ARL13A: variants seen among roughly 807,000 people sequenced by gnomAD.
ARL13A encodes the protein ADP-ribosylation factor-like protein 13A.
ARL13A carries 16 observed loss-of-function variants against 19.1 expected under a neutral mutation model. The observed-to-expected ratio is 0.84, with a 90% CI of 0.57 to 1.27. The LOEUF is 1.27. Ranked by LOEUF, ARL13A falls within the 50% of genes most tolerant of loss-of-function variation. The pLI is 0.00. For synonymous variants in ARL13A, 69 were observed against 71.3 expected (o/e 0.97, Z 0.17); for missense variants, 153 against 186.4 (o/e 0.82, Z 1.04).
chrX:100,983,865 AG>A (rs1269502738), intron 3 of ARL13A, among the ~76,000 whole-genome samples: 1 of 111,525 alleles, frequency 9.0e-6, no homozygotes, highest in Non-Finnish European at 1.9e-5. Flanking sequence ...AAGACCCAAA[AG>A]TATATTACTA....
chrX:100,982,091 G>A (rs903325178), intron 3 of ARL13A, among the ~76,000 whole-genome samples: 1 of 110,868 alleles, frequency 9.0e-6, no homozygotes, highest in African/African-American at 3.3e-5. Context: ...TTAGACTAGC[G>A]CCTTTCAAAC....
intron 3 of ARL13A, among the ~76,000 whole-genome samples, chrX:100,981,204 C>G (rs1263951378): frequency 8.9e-6 from 1 of 111,905 alleles, no homozygotes; most frequent in Non-Finnish European, 1.9e-5. Flanking sequence ...CCCCAGAGCA[C>G]TTCAGGCCAT....
chrX:100,982,149 A>G (rs536762175), intron 3 of ARL13A, among the ~76,000 whole-genome samples: 2 of 110,789 alleles, frequency 1.8e-5, no homozygotes, highest in African/African-American at 6.6e-5. Flanking sequence ...AAAAATCATG[A>G]TGCTTCAGCC....
intron 7 of ARL13A, among the ~76,000 whole-genome samples, chrX:100,988,851 CATATATATATATATATAT>C (rs55947893): frequency 1.3e-5 from 1 of 79,688 alleles, no homozygotes; most frequent in Non-Finnish European, 2.3e-5. Context: ...TAATATATCT[CATATATATATATATATAT>C]ATATATATAT....
At position 100,990,760 on chromosome X, in the gene ARL13A, A is replaced by T. The variant is rs1324180658; in HGVS notation, c.*172A>T. On this transcript the variant is annotated 3_prime_UTR_variant, in exon 8 of 8. Transcript: ENST00000450049. ...AGAAATACAGGGTTCATTTAGAAAT[A>T]AGTATTTTTTTCTTTAAGGTTCTTA... 1 of 456,560 alleles carries T rather than the reference A, an allele frequency of 2.2e-6. No individual in the cohort carries two copies. The highest frequency in any genetic ancestry group is 4.2e-5 in the East Asian group (1 of 23,605). 37.6% of individuals were successfully genotyped at this position (456,560 alleles called of 1,213,427 possible).
rs139480834 is a variant in ARL13A at position 100,985,177 on chromosome X, A to G, written c.131-490A>G. 5.1e-3 allele frequency among the ~76,000 whole-genome samples: 577 copies of G among 112,084 alleles called. 5 individuals are homozygous for G. The highest frequency in any genetic ancestry group is 0.018 in the African/African-American group (546 of 30,867). On this transcript the variant is annotated intron_variant, in intron 3 of 7. Transcript: ENST00000450049. The stretch of plus-strand genomic sequence containing the variant: ...TGGCATCTTGTAACATCCCAGGGCA[A>G]GAGAGAGCAAGACATTGATGTAGAG...
intron 6 of ARL13A, among the ~76,000 whole-genome samples, chrX:100,987,935 T>G (rs752884440): frequency 1.9e-4 from 21 of 112,087 alleles, no homozygotes; most frequent in African/African-American, 5.8e-4. Flanking sequence ...CTACTCAATA[T>G]TCTCAGCCTC....
At chrX:100,972,498 C>G (rs1237232673) in intron 1 of ARL13A, among the ~76,000 whole-genome samples, 2 of 91,650 alleles carry the variant, frequency 2.2e-5, no homozygotes, top group Admixed American at 2.2e-4. Flanking sequence ...TGACCCCCCC[C>G]ACCTCCCTCC....
chrX:100,982,714 G>A (rs1397336071), intron 3 of ARL13A, among the ~76,000 whole-genome samples: 2 of 103,363 alleles, frequency 1.9e-5, no homozygotes, highest in African/African-American at 7.1e-5. Flanking sequence ...GTGGTACAGT[G>A]GTGTGATCAT....
chrX:100,988,534 T>C, intron 7 of ARL13A: 4 of 1,108,453 alleles, frequency 3.6e-6, no homozygotes, highest in Non-Finnish European at 4.8e-6. Flanking sequence ...TCCAGCTCCA[T>C]ATGCTGATGA....
intron 4 of ARL13A, 56 bp downstream of exon 4, chrX:100,985,972 A>G: frequency 8.7e-7 from 1 of 1,146,574 alleles, no homozygotes; most frequent in Non-Finnish European, 1.2e-6. Flanking sequence ...CCTTAAAAGT[A>G]TAGAAATGAA....
At chrX:100,983,382 C>T (rs1049838491) in intron 3 of ARL13A, among the ~76,000 whole-genome samples, 1 of 109,682 alleles carries the variant, frequency 9.1e-6, no homozygotes, top group Non-Finnish European at 1.9e-5. Flanking sequence ...TTGAGACAGA[C>T]GTCTCGCTCT....
chrX:100,974,133 G>T lies in ARL13A; in HGVS notation c.66G>T (p.Val22=). 1 of 1,187,681 alleles carries T rather than the reference G, an allele frequency of 8.4e-7. No individual in the cohort carries two copies. The highest frequency in any genetic ancestry group is 1.9e-5 in the South Asian group (1 of 53,894). ...LRTTEETRRN[V]TIPIIGLNNS... ...TTTTCTTTTTCATTTCTAGGAATGT[G>T]ACCATCCCTATCATTGGCTTGAACA... The change falls in exon 3 of 8, where the codon GTG becomes GTT. Residue 22 remains valine, a synonymous_variant. Coordinates refer to ENST00000450049, the MANE Select transcript of ARL13A (RefSeq NM_001162491.2).
chrX:100,986,624 T>C (rs1816982448), intron 4 of ARL13A, among the ~76,000 whole-genome samples, 172 bp from the exon 5 acceptor site: 1 of 112,436 alleles, frequency 8.9e-6, no homozygotes, highest in Admixed American at 9.4e-5. Context: ...GGAAGTTGAC[T>C]AGAAAAATGT....
At chrX:100,980,844 G>T (rs1024309622) in intron 3 of ARL13A, among the ~76,000 whole-genome samples, 1 of 111,664 alleles carries the variant, frequency 9.0e-6, no homozygotes, top group Non-Finnish European at 1.9e-5. Flanking sequence ...TCCTTTCAGG[G>T]CACTGGGTTC....
Position 100,975,414 on chromosome X carries a change from C to T in ARL13A, c.130+1217C>T, listed in dbSNP as rs374608160. Among the ~76,000 whole-genome samples the T allele has an allele frequency of 5.4e-5, 6 of 111,764 alleles. No homozygotes were observed. The South Asian group carries it at 1.5e-3, about 28-fold the overall frequency. ...TCAGCTCCCACTCTATTCCACGCAT[C>T]GCTCTGGCATGCACTTATTACAACA... On this transcript the variant is annotated intron_variant, in intron 3 of 7. Coordinates refer to ENST00000450049, the MANE Select transcript of ARL13A (RefSeq NM_001162491.2).
At chrX:100,987,690 A>ATGGGGC (rs2085956133) in intron 6 of ARL13A, 134 bp downstream of exon 6, 2 of 701,639 alleles carry the variant, frequency 2.9e-6, no homozygotes, top group East Asian at 6.7e-5. Flanking sequence ...ATTGGCTCAA[A>ATGGGGC]TGGGGCTAGG....
rs2147978757 is a variant in ARL13A, at chrX:100,990,469, T to A, written c.745-93T>A. 3 of 984,768 alleles carry A rather than the reference T, an allele frequency of 3.0e-6. No individual in the cohort carries two copies. In the South Asian group the frequency reaches 1.4e-4, roughly 45 times the overall value. 81.2% of individuals were successfully genotyped at this position (984,768 alleles called of 1,213,427 possible). ...GGACTACCCGGTTTTTAAATTTCCATTTGATAATATTTCTACACTCCCCAT... is the reference window on the plus strand; with the variant it reads ...GGACTACCCGGTTTTTAAATTTCCAATTGATAATATTTCTACACTCCCCAT... On this transcript the variant is annotated intron_variant, in intron 7 of 7. Coordinates refer to ENST00000450049, the MANE Select transcript of ARL13A (RefSeq NM_001162491.2).
Position 100,990,664 on chromosome X carries a change from C to A in ARL13A, c.*76C>A. 9.9e-7 allele frequency: 1 copy of A among 1,006,565 alleles called. No individual in the cohort carries two copies. Among genetic ancestry groups the A allele is most frequent in the Non-Finnish European group, 1.4e-6 (1 of 730,472 alleles). 83.0% of individuals were successfully genotyped at this position (1,006,565 alleles called of 1,213,427 possible). A position where few individuals can be genotyped will look rare whatever the true frequency, so the allele number is the denominator to read the frequency against. On this transcript the variant is annotated 3_prime_UTR_variant, in exon 8 of 8. Coordinates refer to ENST00000450049, the MANE Select transcript of ARL13A (RefSeq NM_001162491.2). ...GTAAAAAAGAACAGAGACTTTACATCTTTGTACCGAGATGCTGCTGACAAA... is the reference window on the plus strand; with the variant it reads ...GTAAAAAAGAACAGAGACTTTACATATTTGTACCGAGATGCTGCTGACAAA...
Sources: gnomAD v4.1 joint callset for allele counts (sites outside exome capture counted in the v4.1 genomes callset) on GRCh38, gnomAD v4.1.1 for gene constraint, MANE v1.5 for transcripts, NCBI Gene and HGNC (gene_info 2026-07-23, HGNC 2026-07-21) for gene names.